The following CACNA1C variants were observed in gnomAD, a reference collection of about 807,000 sequenced individuals.
CACNA1C encodes the protein calcium voltage-gated channel subunit alpha1 C.
A neutral mutation model predicts 229.0 loss-of-function variants in CACNA1C; 30 were observed. That is an observed-to-expected ratio of 0.13 (90% confidence interval 0.10 to 0.18). CACNA1C has a LOEUF of 0.18. Among genes scored for constraint, CACNA1C ranks in the 10% least tolerant of loss-of-function variants. The pLI, the probability that CACNA1C is intolerant of heterozygous loss-of-function variation, is 1.00. For synonymous variants in CACNA1C, 1,114 were observed against 1,132.5 expected (o/e 0.98, Z 0.33); for missense variants, 1,658 against 2,845.0 (o/e 0.58, Z 9.49).
At chr12:2,648,306 C>T (rs548895903) in intron 30 of CACNA1C, among the ~76,000 whole-genome samples, 169 bp from the exon 31 acceptor site, 2 of 152,332 alleles carry the variant, frequency 1.3e-5, no homozygotes, top group African/African-American at 4.8e-5. Context: ...ACCCCACACT[C>T]ATGGGGACGC....
intron 3 of CACNA1C, among the ~76,000 whole-genome samples, chr12:2,290,230 A>T (rs1317613349): frequency 1.3e-5 from 2 of 152,214 alleles, no homozygotes; most frequent in Non-Finnish European, 1.5e-5. Context: ...CCTCCTGGCC[A>T]GCGCCTGCCT....
At chr12:2,539,186 A>G (rs1317560658) in intron 9 of CACNA1C, among the ~76,000 whole-genome samples, 1 of 152,196 alleles carries the variant, frequency 6.6e-6, no homozygotes, top group East Asian at 1.9e-4. Flanking sequence ...AACAGTAGGT[A>G]CTCTTAAACT....
intron 3 of CACNA1C, among the ~76,000 whole-genome samples, chr12:2,186,581 G>T (rs2097019909): frequency 6.6e-6 from 1 of 152,180 alleles, no homozygotes; most frequent in African/African-American, 2.4e-5. Context: ...ATGTGCTGGA[G>T]ACATTGCTTA....
intron 26 of CACNA1C, 33 bp downstream of exon 26, chr12:2,607,163 G>A (rs1159714123): frequency 1.3e-6 from 2 of 1,589,730 alleles, no homozygotes; most frequent in African/African-American, 2.7e-5. Context: ...CACGAGCCCT[G>A]ACATTCAAGG....
intron 10 of CACNA1C, among the ~76,000 whole-genome samples, chr12:2,550,336 G>T (rs1264515069): frequency 1.3e-5 from 2 of 152,232 alleles, no homozygotes; most frequent in Non-Finnish European, 2.9e-5. Flanking sequence ...GAGGGTGTGT[G>T]TGTAGGGGGC....
chr12:2,295,814 G>A (rs186407282), intron 3 of CACNA1C, among the ~76,000 whole-genome samples: 154 of 152,372 alleles, frequency 1.0e-3, no homozygotes, highest in Non-Finnish European at 1.9e-3. Flanking sequence ...AGTGGCAAAT[G>A]TGGAAGTGGG....
intron 9 of CACNA1C, chr12:2,547,542 T>C: frequency 1.3e-6 from 1 of 779,500 alleles, no homozygotes; most frequent in Non-Finnish European, 2.4e-6. Flanking sequence ...TCCCCTGTGC[T>C]CTGTGTGTGT....
chr12:2,609,394 AG>A (rs2076650884), intron 27 of CACNA1C, among the ~76,000 whole-genome samples: 1 of 151,842 alleles, frequency 6.6e-6, no homozygotes, highest in South Asian at 2.1e-4. Context: ...GCAGGAGCGC[AG>A]CGTGGTGTGC....
chr12:2,243,813 G>A (rs1034219391), intron 3 of CACNA1C, among the ~76,000 whole-genome samples: 14 of 152,126 alleles, frequency 9.2e-5, no homozygotes, highest in African/African-American at 2.4e-4. Context: ...TGAATTCCTC[G>A]CTGCAATTGT....
intron 3 of CACNA1C, among the ~76,000 whole-genome samples, chr12:2,230,863 C>A (rs965753822): frequency 1.3e-5 from 2 of 152,146 alleles, no homozygotes; most frequent in Non-Finnish European, 2.9e-5. Flanking sequence ...TGAGGTGGGT[C>A]GTATTATTAT....
chr12:2,175,978 T>C (rs1425416318), intron 3 of CACNA1C, among the ~76,000 whole-genome samples: 2 of 152,148 alleles, frequency 1.3e-5, no homozygotes, highest in Non-Finnish European at 2.9e-5. Flanking sequence ...TAAAAATCCC[T>C]GCATTCTTGG....
At chr12:2,065,463 G>A (rs1052838110) in intron 1 of CACNA1C, among the ~76,000 whole-genome samples, 4 of 152,158 alleles carry the variant, frequency 2.6e-5, no homozygotes, top group Non-Finnish European at 2.9e-5. Context: ...GTTATTGAGC[G>A]TCTGCTATCT....
At chr12:2,668,202 G>T (rs1025322459) in intron 37 of CACNA1C, among the ~76,000 whole-genome samples, 3 of 152,218 alleles carry the variant, frequency 2.0e-5, no homozygotes, top group Non-Finnish European at 2.9e-5. Context: ...GGTCTTTGCT[G>T]CCAGTGGAGA....
intron 3 of CACNA1C, among the ~76,000 whole-genome samples, chr12:2,148,492 A>G (rs1022696619): frequency 6.6e-6 from 1 of 151,252 alleles, no homozygotes; most frequent in Non-Finnish European, 1.5e-5. Context: ...CTTTGATCAT[A>G]CTAGTAATGA....
At chr12:2,338,460 T>C (rs1164398350) in intron 3 of CACNA1C, among the ~76,000 whole-genome samples, 1 of 151,970 alleles carries the variant, frequency 6.6e-6, no homozygotes, top group African/African-American at 2.4e-5. Flanking sequence ...GAGCCAAAAG[T>C]GGCTGCATAC....
rs2099557961 is a variant in CACNA1C at position 2,467,165 on chromosome 12, A to G, written c.757+9459A>G. Among the ~76,000 whole-genome samples, 1 of 152,000 alleles carries G rather than the reference A, an allele frequency of 6.6e-6. No homozygotes were observed. Among genetic ancestry groups the G allele is most frequent in the Non-Finnish European group, 1.5e-5 (1 of 68,002 alleles). On this transcript the variant is annotated intron_variant, in intron 5 of 46. Coordinates refer to ENST00000399655, the MANE Select transcript of CACNA1C (RefSeq NM_000719.7). This position sits in a 1 kb window ranked among gnomAD's most constrained non-coding sequence, Gnocchi z 4.6. Reference sequence around the variant, plus strand: ...GGAGATGGTCCCTACAACATCTTCTAAGCCCTTTCCCTCCCACTTCTTTCA... The same window carrying G: ...GGAGATGGTCCCTACAACATCTTCTGAGCCCTTTCCCTCCCACTTCTTTCA...
In CACNA1C at chr12:2,577,619, G is replaced by A. The variant is rs896057754; in HGVS notation, c.1896-3971G>A. On this transcript the variant is annotated intron_variant, in intron 13 of 46. Transcript: ENST00000399655. The stretch of plus-strand genomic sequence containing the variant: ...AAGTGTGTTCAACTTAAGTGCACAC[G>A]CACACAAACACACATGCACAGAAGC... Among the ~76,000 whole-genome samples the A allele has an allele frequency of 9.2e-5, 14 of 152,170 alleles. No individual in the cohort carries two copies. The South Asian group carries it at 1.0e-3, about 11-fold the overall frequency.
At chr12:2,277,329 T>C (rs1482437618) in intron 3 of CACNA1C, among the ~76,000 whole-genome samples, 5 of 149,564 alleles carry the variant, frequency 3.3e-5, no homozygotes, top group Non-Finnish European at 7.4e-5. Context: ...TCTCTCCTTC[T>C]AGTAGACAGA....
intron 3 of CACNA1C, among the ~76,000 whole-genome samples, chr12:2,414,223 C>G (rs2098840291): frequency 1.3e-5 from 2 of 152,246 alleles, no homozygotes; most frequent in African/African-American, 4.8e-5. Flanking sequence ...ACATGGCACT[C>G]ACTCAGGACA....
Sources: allele counts gnomAD v4.1 joint callset (sites outside exome capture counted in the v4.1 genomes callset), GRCh38; gene constraint gnomAD v4.1.1; non-coding constraint Gnocchi (gnomAD v3.1); transcripts MANE v1.5; gene names NCBI Gene and HGNC (gene_info 2026-07-23, HGNC 2026-07-21).